DOCK11: variants seen among roughly 807,000 people sequenced by gnomAD.
DOCK11 encodes dedicator of cytokinesis protein 11.
DOCK11 carries 70 observed loss-of-function variants against 169.1 expected under a neutral mutation model. That is an observed-to-expected ratio of 0.41 (90% CI 0.34 to 0.51). The LOEUF (loss-of-function observed/expected upper bound fraction) is 0.51, where lower values mean the gene tolerates loss of function less well. Ranked by LOEUF, DOCK11 falls within the 20% of genes least tolerant of loss-of-function variation. The pLI, the probability that DOCK11 is intolerant of heterozygous loss-of-function variation, is 0.10. For missense variants in DOCK11, 1,166 were observed against 1,538.8 expected, an observed-to-expected ratio of 0.76 and a Z score of 4.05; for synonymous variants, 529 against 541.3, an observed-to-expected ratio of 0.98 and a Z score of 0.32.
At chrX:118,578,992 A>G (rs1603084296) in intron 13 of DOCK11, among the ~76,000 whole-genome samples, 1 of 112,093 alleles carries the variant, frequency 8.9e-6, no homozygotes, top group Non-Finnish European at 1.9e-5. Context: ...ATCCAGTCCT[A>G]TAGTTCCCAA....
At chrX:118,517,715 G>A (rs2057699020) in intron 1 of DOCK11, among the ~76,000 whole-genome samples, 1 of 111,165 alleles carries the variant, frequency 9.0e-6, no homozygotes, top group Non-Finnish European at 1.9e-5. Flanking sequence ...ATTAAAATTA[G>A]GATGGGCTAG....
chrX:118,543,525 T>C lies in DOCK11; in HGVS notation c.324T>C (p.Tyr108=), dbSNP rs1243252175. The C allele has an allele frequency of 1.7e-6, 2 of 1,204,639 alleles. No individual in the cohort carries two copies. The highest frequency in any genetic ancestry group is 1.1e-6 in the Non-Finnish European group (1 of 888,757). ...TTTTCTTTCAGTGTATTAAAACCTA[T>C]AGCACAGATTGGCACGTGGTAAACT... ...SLFVKECIKT[Y]STDWHVVNYK... Residue 108 remains tyrosine, a synonymous_variant, in exon 4 of 53, where the codon TAT becomes TAC. Coordinates refer to ENST00000276202, the MANE Select transcript of DOCK11 (RefSeq NM_144658.4).
At chrX:118,684,525 C>T (rs978884719) in intron 52 of DOCK11, among the ~76,000 whole-genome samples, 2 of 110,235 alleles carry the variant, frequency 1.8e-5, no homozygotes, top group East Asian at 2.8e-4. Flanking sequence ...CCACCCGCCT[C>T]GGCCTCCAAA....
chrX:118,643,235 A>G (rs1172039270), intron 39 of DOCK11, among the ~76,000 whole-genome samples: 2 of 112,038 alleles, frequency 1.8e-5, no homozygotes, highest in Admixed American at 9.5e-5. Flanking sequence ...TTGAAAAAAA[A>G]TCTACCTGTT....
chrX:118,642,120 A>G (rs1433435816), intron 39 of DOCK11, among the ~76,000 whole-genome samples: 1 of 112,047 alleles, frequency 8.9e-6, no homozygotes, highest in Non-Finnish European at 1.9e-5. Context: ...GGTTTGTTCT[A>G]TATTAAAATG....
chrX:118,536,532 C>T (rs772547300), intron 1 of DOCK11, among the ~76,000 whole-genome samples: 5 of 111,632 alleles, frequency 4.5e-5, no homozygotes, highest in Non-Finnish European at 9.4e-5. Context: ...CCACATAAAT[C>T]GATATGATGA....
In DOCK11 at chrX:118,554,162, C is replaced by T. The variant is rs779123676; in HGVS notation, c.559-7221C>T. 3.6e-5 allele frequency among the ~76,000 whole-genome samples: 4 copies of T among 111,681 alleles called. No individual in the cohort carries two copies. The South Asian group carries it at 1.5e-3, about 42-fold the overall frequency. On this transcript the variant is annotated intron_variant, in intron 6 of 52. Coordinates refer to ENST00000276202, the MANE Select transcript of DOCK11 (RefSeq NM_144658.4). ...AGACTACAGGTGCATCCCACCACGC[C>T]TGGCTACCAAATAGATATTGAATGC...
chrX:118,523,323 G>A (rs986057333), intron 1 of DOCK11, among the ~76,000 whole-genome samples: 1 of 112,353 alleles, frequency 8.9e-6, no homozygotes, highest in Non-Finnish European at 1.9e-5. Context: ...TAAGCCATTT[G>A]TATGTCTAGG....
At chrX:118,658,660 T>G (rs186679473) in intron 44 of DOCK11, among the ~76,000 whole-genome samples, 64 of 112,538 alleles carry the variant, frequency 5.7e-4, no homozygotes, top group African/African-American at 1.9e-3. Context: ...CACTATTCTC[T>G]TCCCTTTATT....
At chrX:118,668,952 G>A (rs2016403162) in intron 45 of DOCK11, among the ~76,000 whole-genome samples, 1 of 111,822 alleles carries the variant, frequency 8.9e-6, no homozygotes, top group Non-Finnish European at 1.9e-5. Flanking sequence ...AAAGTACAAA[G>A]TTTGGTATGA....
At position 118,624,574 on chromosome X, in the gene DOCK11, C is replaced by A. The variant is rs2015050805; in HGVS notation, c.3507C>A (p.Pro1169=). 2.5e-6 allele frequency: 3 copies of A among 1,208,935 alleles called. No homozygotes were observed. The highest frequency in any genetic ancestry group is 3.4e-6 in the Non-Finnish European group (3 of 893,933). The change falls in exon 32 of 53, where the codon CCC becomes CCA. Residue 1169 remains proline (P), a synonymous_variant. Coordinates refer to ENST00000276202, the MANE Select transcript of DOCK11 (RefSeq NM_144658.4). ...CCAAAATAGCACAATTGTACCTCCC[C>A]TTTGTTGGACTACTTTTGGAAAATA... The part of the protein sequence containing the change: ...QQAKIAQLYL[P]FVGLLLENIQ...
intron 10 of DOCK11, 68 bp from the exon 11 acceptor site, chrX:118,572,255 G>T: frequency 1.0e-6 from 1 of 961,750 alleles, no homozygotes; most frequent in Admixed American, 3.1e-5. Context: ...GCCATTTTTT[G>T]TATATTGATG....
intron 6 of DOCK11, among the ~76,000 whole-genome samples, chrX:118,551,122 C>G (rs2012478093): frequency 8.9e-6 from 1 of 112,019 alleles, no homozygotes; most frequent in African/African-American, 3.2e-5. Context: ...AGAATCTTTT[C>G]TTTTTGGAAA....
intron 46 of DOCK11, among the ~76,000 whole-genome samples, chrX:118,674,760 GC>G (rs780474587): frequency 8.3e-4 from 93 of 112,145 alleles, no homozygotes; most frequent in African/African-American, 2.9e-3. Context: ...TTCCACAGTG[GC>G]TGTACCGTTT....
Position 118,597,539 on chromosome X carries a change from C to T in DOCK11, c.2372C>T (p.Ala791Val). 1 of 1,210,719 alleles carries T rather than the reference C, an allele frequency of 8.3e-7. No individual in the cohort carries two copies. The highest frequency in any genetic ancestry group is 1.1e-6 in the Non-Finnish European group (1 of 894,963). Residue 791 changes from alanine to valine, a missense_variant, in exon 21 of 53, where the codon GCA becomes GTA. Ala to Val is a moderately conservative substitution (Grantham distance 64). Transcript: ENST00000276202. ...CCAGGCTACTTGAATCTGAATGATG[C>T]AGAATCAAGAAGGGTAGGAAAATAC... ...LPPGYLNLND[A>V]ESRRQCNVDI...
chrX:118,618,416 T>G, intron 30 of DOCK11, 134 bp from the exon 31 acceptor site: 1 of 486,472 alleles, frequency 2.1e-6, no homozygotes. Context: ...ATAAAAGAAT[T>G]GCTCAGAATC....
At chrX:118,646,065 A>AC (rs1158050014) in intron 40 of DOCK11, among the ~76,000 whole-genome samples, 1 of 106,600 alleles carries the variant, frequency 9.4e-6, no homozygotes, top group African/African-American at 3.4e-5. Context: ...AAAAAAAAAA[A>AC]AAAAAAAAAA....
intron 23 of DOCK11, among the ~76,000 whole-genome samples, chrX:118,603,189 G>A (rs766903916): frequency 8.9e-6 from 1 of 112,653 alleles, no homozygotes; most frequent in South Asian, 3.7e-4. Context: ...ACATCAGCAT[G>A]TTTGAAGGAC....
Position 118,597,397 on chromosome X carries a change from T to C in DOCK11, c.2264-34T>C, listed in dbSNP as rs1569425897. 8.3e-6 allele frequency: 10 copies of C among 1,206,469 alleles called. No homozygotes were observed. The South Asian group carries it at 1.6e-4, about 19-fold the overall frequency. On this transcript the variant is annotated intron_variant, in intron 20 of 52. Coordinates refer to ENST00000276202, the MANE Select transcript of DOCK11 (RefSeq NM_144658.4). ...TTTGTGTAGCTGATTGCATTTGATA[T>C]TTCATTTCTCACAGTTTGTTATTAT... is the stretch of plus-strand genomic sequence containing the variant.
Sources: gnomAD v4.1 joint callset for allele counts (sites outside exome capture counted in the v4.1 genomes callset) on GRCh38, gnomAD v4.1.1 for gene constraint, MANE v1.5 for transcripts, NCBI Gene and HGNC (gene_info 2026-07-23, HGNC 2026-07-21) for gene names.